The following MYLK4 variants were observed in gnomAD, a reference collection of about 807,000 sequenced individuals.
MYLK4 encodes myosin light chain kinase family member 4.
A neutral mutation model predicts 48.1 loss-of-function variants in MYLK4; 46 were observed. The ratio of observed to expected loss-of-function variants is 0.96; its 90% CI spans 0.75 to 1.22. The LOEUF (loss-of-function observed/expected upper bound fraction) is 1.22. MYLK4 is among the 50% of genes most tolerant of loss of function. MYLK4 has a pLI of 0.00. For synonymous variants in MYLK4, 170 were observed against 180.8 expected (o/e 0.94, Z 0.48); for missense variants, 451 against 486.1 (o/e 0.93, Z 0.68).
At chr6:2,712,024 T>C (rs1762692252) in intron 2 of MYLK4, among the ~76,000 whole-genome samples, 1 of 152,154 alleles carries the variant, frequency 6.6e-6, no homozygotes. Flanking sequence ...AGCTGGCCAT[T>C]TGAAGTAGAT....
chr6:2,707,131 A>G (rs1762520382), intron 2 of MYLK4, among the ~76,000 whole-genome samples: 1 of 152,224 alleles, frequency 6.6e-6, no homozygotes. Context: ...TAACTGAGAG[A>G]CATTACATAC....
the MYLK4 span, among the ~76,000 whole-genome samples, chr6:2,763,800 TGA>T: frequency 1.3e-5 from 2 of 151,760 alleles, no homozygotes; most frequent in African/African-American, 2.4e-5. Flanking sequence ...GAGCGAGGAC[TGA>T]GAGGGCTGCC....
upstream of MYLK4, among the ~76,000 whole-genome samples, chr6:2,755,922 G>T (rs993302519): frequency 6.6e-6 from 1 of 152,170 alleles, no homozygotes; most frequent in Non-Finnish European, 1.5e-5. Context: ...ATCACAAAAG[G>T]TGGCACATGA....
At position 2,664,326 on chromosome 6, in the gene MYLK4, C is replaced by A. The variant is rs1760559492; in HGVS notation, c.*3599G>T. Reference sequence around the variant, plus strand: ...TAGGCCGTGGTGATGCTGCAGCACACAGGGATGACAGGACGGCCAGGGGAC... The same window carrying A: ...TAGGCCGTGGTGATGCTGCAGCACAAAGGGATGACAGGACGGCCAGGGGAC... On this transcript the variant is annotated 3_prime_UTR_variant, in exon 13 of 13. Coordinates refer to ENST00000274643, the MANE Select transcript of MYLK4 (RefSeq NM_001012418.5). The A allele has an allele frequency of 1.3e-5, 2 of 152,378 alleles. No homozygotes were observed. Among genetic ancestry groups the A allele is most frequent in the Non-Finnish European group, 1.5e-5 (1 of 68,042 alleles). The allele number at this position is 152,378 out of a possible 1,614,324, so 9.4% of individuals were successfully genotyped here. A position where few individuals can be genotyped will look rare whatever the true frequency, so the allele number is the denominator to read the frequency against.
At chr6:2,711,296 C>A (rs894376583) in intron 2 of MYLK4, among the ~76,000 whole-genome samples, 1 of 152,150 alleles carries the variant, frequency 6.6e-6, no homozygotes, top group African/African-American at 2.4e-5. Context: ...ATGGTATTAC[C>A]ATCAACAACT....
chr6:2,728,539 T>A (rs999326216), intron 2 of MYLK4, among the ~76,000 whole-genome samples: 7 of 152,348 alleles, frequency 4.6e-5, no homozygotes, highest in Middle Eastern at 6.8e-3. Context: ...TTTTACCCCA[T>A]GTGCTTGCTG....
At chr6:2,746,422 A>C (rs2113375538) in intron 2 of MYLK4, among the ~76,000 whole-genome samples, 1 of 152,350 alleles carries the variant, frequency 6.6e-6, no homozygotes, top group East Asian at 1.9e-4. Context: ...CAGTAGAAGA[A>C]AAATAAAAGA....
rs186165259 is a variant in MYLK4, at chr6:2,663,751, A to G, written c.*4174T>C. ...GTACGTTCAGAAATTTAAAATATAC[A>G]TGATAGACACAATCACCACGTTATG... On this transcript the variant is annotated 3_prime_UTR_variant, in exon 13 of 13. Transcript: ENST00000274643. The G allele has an allele frequency of 2.1e-3, 324 of 152,722 alleles. 2 individuals carry two copies. Among genetic ancestry groups the G allele is most frequent in the Non-Finnish European group, 3.2e-3 (217 of 68,044 alleles). 9.5% of individuals were successfully genotyped at this position (152,722 alleles called of 1,614,324 possible). A position where few individuals can be genotyped will look rare whatever the true frequency, so the allele number is the denominator to read the frequency against.
intron 6 of MYLK4, among the ~76,000 whole-genome samples, chr6:2,683,399 G>T (rs879332563): frequency 0.24 from 29,028 of 122,888 alleles, 4,908 homozygotes; most frequent in East Asian, 0.41. Flanking sequence ...TTTTGTGTGT[G>T]TGTGTGTGTG....
chr6:2,667,764 CA>C lies in MYLK4; in HGVS notation c.*160del, dbSNP rs1159318188. On this transcript the variant is annotated 3_prime_UTR_variant, in exon 13 of 13. Coordinates refer to ENST00000274643, the MANE Select transcript of MYLK4 (RefSeq NM_001012418.5). Reference sequence around the variant, plus strand: ...GGTGTTCCTCTGAGCGCAGCAGAGGCACTCCAGTTCAAGTTCACATTCAGGG... The same window carrying C: ...GGTGTTCCTCTGAGCGCAGCAGAGGCCTCCAGTTCAAGTTCACATTCAGGG... 6.6e-6 allele frequency: 1 copy of C among 152,664 alleles called. No homozygotes were observed. The highest frequency in any genetic ancestry group is 2.4e-5 in the African/African-American group (1 of 41,446). The allele number at this position is 152,664 out of a possible 1,614,324, so 9.5% of individuals were successfully genotyped here. A position where few individuals can be genotyped will look rare whatever the true frequency, so the allele number is the denominator to read the frequency against.
rs757383820 is a variant in MYLK4, at chr6:2,688,878, G to A, written c.314C>T (p.Thr105Ile). ...AKQGAVNSFY[T>I]VSKTEILGGG... is the part of the protein sequence containing the mutation. The stretch of plus-strand genomic sequence containing the variant: ...TCCTAGGATTTCTGTCTTGCTCACA[G>A]TATAGAAGCTGTTGACCGCTCCTTG... The change falls in exon 4 of 13, where the codon ACT (threonine) becomes ATT (isoleucine). Residue 105 changes from threonine to isoleucine, a missense_variant. Transcript: ENST00000274643. 1.1e-5 allele frequency: 18 copies of A among 1,614,080 alleles called. No individual in the cohort carries two copies. Among genetic ancestry groups the A allele is most frequent in the African/African-American group, 1.3e-5 (1 of 74,934 alleles).
At chr6:2,763,253 C>G in the MYLK4 span, among the ~76,000 whole-genome samples, 684 of 152,382 alleles carry the variant, frequency 4.5e-3, 4 homozygotes, top group Non-Finnish European at 6.5e-3. Flanking sequence ...CCACCAGACT[C>G]AGAAACCCAG....
At chr6:2,694,564 T>TGGTGGTG (rs1761975924) in intron 2 of MYLK4, among the ~76,000 whole-genome samples, 26 of 126,538 alleles carry the variant, frequency 2.1e-4, no homozygotes, top group African/African-American at 7.5e-4. Flanking sequence ...GTCGTGGTGG[T>TGGTGGTG]AGTGGTAGTG....
rs1162133740 is a variant in MYLK4, at chr6:2,665,068, GCAAAGCCATA to G, written c.*2847_*2856del. On this transcript the variant is annotated 3_prime_UTR_variant, in exon 13 of 13. Transcript: ENST00000274643. ...AAAGTGGGAACTGCCTAGTGAGTGA[GCAAAGCCATA>G]CCATCCATTAAGAGGGTGGAGGAGA... 1 of 152,228 alleles carries G rather than the reference GCAAAGCCATA, an allele frequency of 6.6e-6. No homozygotes were observed. Among genetic ancestry groups the G allele is most frequent in the African/African-American group, 2.4e-5 (1 of 41,458 alleles). 9.4% of individuals were successfully genotyped at this position (152,228 alleles called of 1,614,324 possible).
At chr6:2,766,406 C>T in the MYLK4 span, 19 of 1,604,562 alleles carry the variant, frequency 1.2e-5, no homozygotes, top group East Asian at 4.5e-5. Flanking sequence ...CAACGAAATC[C>T]CCTCGCTTAT....
the MYLK4 span, chr6:2,766,394 A>AC: frequency 1.2e-6 from 2 of 1,606,750 alleles, no homozygotes; most frequent in Non-Finnish European, 1.7e-6. Flanking sequence ...GCTCCTGGAG[A>AC]CCAACGAAAT....
At chr6:2,749,058 T>C in intron 2 of MYLK4, 78 bp downstream of exon 2, 1 of 1,367,750 alleles carries the variant, frequency 7.3e-7, no homozygotes. Context: ...TTAATTGTAC[T>C]CACAAGCGGC....
chr6:2,764,203 C>G, the MYLK4 span, among the ~76,000 whole-genome samples: 1 of 152,170 alleles, frequency 6.6e-6, no homozygotes, highest in Admixed American at 6.5e-5. Context: ...TAACTTGTTT[C>G]TCTAGCGTTT....
intron 2 of MYLK4, among the ~76,000 whole-genome samples, chr6:2,731,107 G>A (rs1763463126): frequency 6.6e-6 from 1 of 152,106 alleles, no homozygotes. Context: ...GAAAACTAGA[G>A]GTAAGTAATG....
Sources: gnomAD v4.1 joint callset for allele counts (sites outside exome capture counted in the v4.1 genomes callset) on GRCh38, gnomAD v4.1.1 for gene constraint, MANE v1.5 for transcripts, NCBI Gene and HGNC (gene_info 2026-07-23, HGNC 2026-07-21) for gene names.